The following BTRC variants were observed in gnomAD, a reference collection of about 807,000 sequenced individuals.
BTRC encodes the protein F-box/WD repeat-containing protein 1A.
Under a neutral mutation model 85.5 loss-of-function variants are expected in BTRC, and 42 were observed. The observed-to-expected ratio is 0.49, with a 90% CI of 0.38 to 0.64. The LOEUF (loss-of-function observed/expected upper bound fraction) is 0.64, where lower values mean the gene tolerates loss of function less well. BTRC is among the 30% of genes least tolerant of loss of function. BTRC has a pLI of 0.00. For synonymous variants in BTRC, 255 were observed against 263.3 expected, an observed-to-expected ratio of 0.97 and a Z score of 0.30; for missense variants, 594 against 743.5, an observed-to-expected ratio of 0.80 and a Z score of 2.34.
At chr10:101,440,755 GC>G (rs1320322268) in intron 2 of BTRC, among the ~76,000 whole-genome samples, 1 of 152,178 alleles carries the variant, frequency 6.6e-6, no homozygotes, top group East Asian at 1.9e-4. Flanking sequence ...ATTTAGCTTA[GC>G]CCTCTCCTCT....
intron 10 of BTRC, 99 bp from the exon 11 acceptor site, chr10:101,535,255 T>C: frequency 1.1e-6 from 1 of 890,902 alleles, no homozygotes. Flanking sequence ...TTCCCTCTAA[T>C]GGTTCAGTCC....
chr10:101,403,990 ATG>A (rs755617852), intron 1 of BTRC, among the ~76,000 whole-genome samples: 1 of 97,536 alleles, frequency 1.0e-5, no homozygotes. Context: ...ATCTATGTGT[ATG>A]TGTGTGTGTG....
At chr10:101,487,147 G>C (rs1285414521) in intron 4 of BTRC, among the ~76,000 whole-genome samples, 1 of 152,068 alleles carries the variant, frequency 6.6e-6, no homozygotes. Context: ...CTTATTAATT[G>C]ATTAGCATTT....
Position 101,383,201 on chromosome 10 carries a change from C to G in BTRC, c.48+28973C>G, listed in dbSNP as rs190823354. Among the ~76,000 whole-genome samples the G allele has an allele frequency of 8.4e-4, 128 of 151,604 alleles. 1 individual carries two copies. Among genetic ancestry groups the G allele is most frequent in the African/African-American group, 2.9e-3 (121 of 41,328 alleles). Reference sequence around the variant, plus strand: ...ACCTCAGCCTCCTTAGTAGCTGGGACTACAGGCGTGCACCACCACGCCCAG... The same window carrying G: ...ACCTCAGCCTCCTTAGTAGCTGGGAGTACAGGCGTGCACCACCACGCCCAG... On this transcript the variant is annotated intron_variant, in intron 1 of 14. Transcript: ENST00000370187.
intron 5 of BTRC, among the ~76,000 whole-genome samples, chr10:101,523,313 TTAAA>T (rs1291262689): frequency 2.6e-5 from 4 of 152,184 alleles, no homozygotes; most frequent in Admixed American, 6.6e-5. Context: ...TGTTGTGGTG[TTAAA>T]TAAATATAAA....
intron 1 of BTRC, among the ~76,000 whole-genome samples, chr10:101,363,944 C>T (rs969330435): frequency 1.3e-5 from 2 of 152,112 alleles, no homozygotes; most frequent in Admixed American, 6.6e-5. Context: ...ATACCAGCAT[C>T]TTACAGTGAT....
chr10:101,363,943 T>TAGGTA (rs1942289554), intron 1 of BTRC, among the ~76,000 whole-genome samples: 2 of 152,140 alleles, frequency 1.3e-5, no homozygotes, highest in Admixed American at 6.6e-5. Context: ...AATACCAGCA[T>TAGGTA]CTTACAGTGA....
chr10:101,486,578 G>C (rs1945994884), intron 4 of BTRC, among the ~76,000 whole-genome samples: 2 of 152,056 alleles, frequency 1.3e-5, no homozygotes, highest in Admixed American at 1.3e-4. Flanking sequence ...GAGGGGAGGT[G>C]GGGAAAAGAG....
chr10:101,541,904 C>G (rs563941329), intron 13 of BTRC, among the ~76,000 whole-genome samples: 1 of 151,206 alleles, frequency 6.6e-6, no homozygotes, highest in Non-Finnish European at 1.5e-5. Context: ...GCTTTATTTT[C>G]TGTGTCTCTG....
intron 2 of BTRC, among the ~76,000 whole-genome samples, chr10:101,435,685 A>AT (rs1384404747): frequency 1.3e-5 from 2 of 151,890 alleles, no homozygotes; most frequent in African/African-American, 4.8e-5. Flanking sequence ...TTTGGCATGT[A>AT]TTTTTATTTC....
At chr10:101,461,191 C>T (rs558883564) in intron 2 of BTRC, among the ~76,000 whole-genome samples, 115 of 152,170 alleles carry the variant, frequency 7.6e-4, no homozygotes, top group African/African-American at 2.7e-3. Context: ...TGTGAGCCAC[C>T]GCACCTAGCA....
At chr10:101,500,728 T>G (rs778751430) in intron 4 of BTRC, among the ~76,000 whole-genome samples, 18 of 152,138 alleles carry the variant, frequency 1.2e-4, no homozygotes, top group Non-Finnish European at 2.4e-4. Flanking sequence ...AATTATTAAT[T>G]TTAAAGTCAG....
chr10:101,383,851 G>A (rs936484120), intron 1 of BTRC, among the ~76,000 whole-genome samples: 1 of 152,120 alleles, frequency 6.6e-6, no homozygotes, highest in Non-Finnish European at 1.5e-5. Flanking sequence ...ATGTTGTAAT[G>A]AAAATGGTTA....
chr10:101,368,464 C>CTTTTTTT (rs60190021), intron 1 of BTRC, among the ~76,000 whole-genome samples: 4 of 75,362 alleles, frequency 5.3e-5, no homozygotes, highest in East Asian at 5.9e-4. Context: ...AACTGTTTTT[C>CTTTTTTT]TTTTTTTTTT....
rs189356396 is a variant in BTRC, at chr10:101,462,443, G to T, written c.234+385G>T. Among the ~76,000 whole-genome samples, 1,238 of 152,258 alleles carry T rather than the reference G, an allele frequency of 8.1e-3. 65 individuals carry two copies. The highest frequency in any genetic ancestry group is 0.075 in the Admixed American group (1,142 of 15,284). ...GCCTATAATCCCACCACTTTGGGAG[G>T]CTGAGGCAGGCGAATACCTGAAGTC... On this transcript the variant is annotated intron_variant, in intron 3 of 14. Coordinates refer to ENST00000370187, the MANE Select transcript of BTRC (RefSeq NM_033637.4).
intron 2 of BTRC, among the ~76,000 whole-genome samples, chr10:101,461,059 C>T (rs1945212611): frequency 6.6e-6 from 1 of 151,968 alleles, no homozygotes; most frequent in African/African-American, 2.4e-5. Flanking sequence ...CCCACCACCA[C>T]ACTTGGCTAA....
chr10:101,419,829 G>A (rs1944049690), intron 1 of BTRC, among the ~76,000 whole-genome samples: 1 of 151,968 alleles, frequency 6.6e-6, no homozygotes, highest in Non-Finnish European at 1.5e-5. Context: ...CTTTCACTCT[G>A]GCCCCTGTAT....
intron 3 of BTRC, among the ~76,000 whole-genome samples, chr10:101,472,690 C>G (rs1945565323): frequency 6.6e-6 from 1 of 152,154 alleles, no homozygotes; most frequent in Non-Finnish European, 1.5e-5. Context: ...TGGCGCACAC[C>G]TGTAGTCCCA....
At chr10:101,475,159 C>T (rs1945644164) in intron 3 of BTRC, among the ~76,000 whole-genome samples, 1 of 152,094 alleles carries the variant, frequency 6.6e-6, no homozygotes, top group Admixed American at 6.5e-5. Flanking sequence ...TTCTAATGCT[C>T]TATTTTTTCA....
Sources: allele counts gnomAD v4.1 joint callset (sites outside exome capture counted in the v4.1 genomes callset), GRCh38; gene constraint gnomAD v4.1.1; transcripts MANE v1.5; gene names NCBI Gene and HGNC (gene_info 2026-07-23, HGNC 2026-07-21).